Variants in RASSF8 observed in about 807,000 individuals in gnomAD.
RASSF8 encodes ras association domain-containing protein 8.
In RASSF8, 22 loss-of-function variants were observed where a neutral mutation model predicts 48.5. The observed-to-expected ratio is 0.45, with a 90% CI of 0.32 to 0.65. The LOEUF (loss-of-function observed/expected upper bound fraction) is 0.65, where lower values mean the gene tolerates loss of function less well. Among genes scored for constraint, RASSF8 ranks in the 30% least tolerant of loss-of-function variants. RASSF8 has a pLI of 0.03. For synonymous variants in RASSF8, 127 were observed against 171.5 expected, an observed-to-expected ratio of 0.74 and a Z score of 2.03; for missense variants, 418 against 489.2, an observed-to-expected ratio of 0.85 and a Z score of 1.37.
intron 2 of RASSF8, among the ~76,000 whole-genome samples, chr12:26,005,594 G>T (rs977059624): frequency 6.6e-6 from 1 of 152,070 alleles, no homozygotes; most frequent in Non-Finnish European, 1.5e-5. Flanking sequence ...ATTTTGCAAA[G>T]GCTATTTCTT....
At chr12:26,073,173 G>A (rs758780970), downstream of RASSF8, among the ~76,000 whole-genome samples, 66 of 152,118 alleles carry the variant, frequency 4.3e-4, no homozygotes, top group Non-Finnish European at 1.9e-4. Context: ...TCCCTACTAC[G>A]TGCCAAGTGC....
intron 1 of RASSF8, among the ~76,000 whole-genome samples, chr12:25,963,111 A>C (rs1941275279): frequency 6.6e-6 from 1 of 152,086 alleles, no homozygotes; most frequent in African/African-American, 2.4e-5. Context: ...ACATCAAAGG[A>C]AGATTGGGAA....
chr12:26,069,939 C>A lies in RASSF8; in HGVS notation c.*1121C>A. The stretch of plus-strand genomic sequence containing the variant: ...TTCAGCATATGTTTTTATTTTTAGG[C>A]TTGACTTTTACAAGACATTAATCTC... On this transcript the variant is annotated 3_prime_UTR_variant, in exon 6 of 6. Coordinates refer to ENST00000689635, the MANE Select transcript of RASSF8 (RefSeq NM_001394098.1). The A allele has an allele frequency of 2.0e-6, 2 of 979,808 alleles. No individual in the cohort carries two copies. The highest frequency in any genetic ancestry group is 2.4e-6 in the Non-Finnish European group (2 of 824,852). The allele number at this position is 979,808 out of a possible 1,614,324, so 60.7% of individuals were successfully genotyped here.
At chr12:26,019,362 C>T (rs1459790551) in intron 2 of RASSF8, among the ~76,000 whole-genome samples, 1 of 151,996 alleles carries the variant, frequency 6.6e-6, no homozygotes, top group East Asian at 1.9e-4. Flanking sequence ...GTATATATTT[C>T]CCAAATCGCC....
intron 2 of RASSF8, among the ~76,000 whole-genome samples, chr12:26,018,335 C>T (rs527589210): frequency 1.3e-5 from 2 of 151,860 alleles, no homozygotes; most frequent in African/African-American, 2.4e-5. Flanking sequence ...AGCTCTAGAA[C>T]CTTTTTTTAA....
rs947734305 is a variant in RASSF8 at position 26,072,483 on chromosome 12, A to G, written c.*3665A>G. 3.1e-6 allele frequency: 3 copies of G among 963,734 alleles called. No homozygotes were observed. In the Admixed American group the frequency reaches 1.8e-4, roughly 59 times the overall value. The allele number at this position is 963,734 out of a possible 1,614,324, so 59.7% of individuals were successfully genotyped here. A position where few individuals can be genotyped will look rare whatever the true frequency, so the allele number is the denominator to read the frequency against. On this transcript the variant is annotated 3_prime_UTR_variant, in exon 6 of 6. Coordinates refer to ENST00000689635, the MANE Select transcript of RASSF8 (RefSeq NM_001394098.1). ...CAGAAAACTATTTCGTATACTAATT[A>G]TATTAAACCAGCAGAAATATAAAGG...
At chr12:25,999,685 A>C (rs1033686737) in intron 2 of RASSF8, among the ~76,000 whole-genome samples, 3 of 152,224 alleles carry the variant, frequency 2.0e-5, no homozygotes, top group Non-Finnish European at 4.4e-5. Flanking sequence ...GTACTATTGA[A>C]AAGGAGACTA....
At chr12:25,965,634 G>T (rs1450544364) in intron 1 of RASSF8, among the ~76,000 whole-genome samples, 2 of 152,074 alleles carry the variant, frequency 1.3e-5, no homozygotes, top group Non-Finnish European at 2.9e-5. Flanking sequence ...GGGATTACAG[G>T]CGAGAGCCAC....
chr12:26,053,119 TTAA>T (rs935084661), intron 2 of RASSF8: 1 of 152,036 alleles, frequency 6.6e-6, no homozygotes, highest in African/African-American at 2.4e-5. Flanking sequence ...ATGCCTGTAG[TTAA>T]TAATACTGTA....
chr12:26,029,851 C>T (rs1942992458), intron 2 of RASSF8, among the ~76,000 whole-genome samples: 1 of 152,112 alleles, frequency 6.6e-6, no homozygotes, highest in Non-Finnish European at 1.5e-5. Flanking sequence ...TTTGAATCAG[C>T]CATCTAACCA....
At chr12:25,984,303 C>T (rs1941819865) in intron 1 of RASSF8, among the ~76,000 whole-genome samples, 1 of 149,844 alleles carries the variant, frequency 6.7e-6, no homozygotes, top group Non-Finnish European at 1.5e-5. Flanking sequence ...GACCTCAAAC[C>T]CCTGGGCTCA....
chr12:26,073,187 A>G (rs1342064908), downstream of RASSF8, among the ~76,000 whole-genome samples: 1 of 152,180 alleles, frequency 6.6e-6, no homozygotes, highest in African/African-American at 2.4e-5. Context: ...CAAGTGCAAT[A>G]TGGGGCACCG....
In RASSF8 at chr12:25,990,427, T is replaced by C. The variant is rs1226318297; in HGVS notation, c.-202-4610T>C. ...TTCATCATTGTAATCCCTGTGGTAT[T>C]TTAAATATGATAAGAGCTTGGTAAA... On this transcript the variant is annotated intron_variant, in intron 1 of 5. Coordinates refer to ENST00000689635, the MANE Select transcript of RASSF8 (RefSeq NM_001394098.1). Among the ~76,000 whole-genome samples, 3 of 152,366 alleles carry C rather than the reference T, an allele frequency of 2.0e-5. No individual in the cohort carries two copies. In the East Asian group the frequency reaches 5.8e-4, roughly 29 times the overall value.
chr12:26,042,651 T>G (rs1943290149), intron 2 of RASSF8, among the ~76,000 whole-genome samples: 1 of 152,222 alleles, frequency 6.6e-6, no homozygotes, highest in East Asian at 1.9e-4. Context: ...ATATTTTCTT[T>G]GCAATTTTCT....
intron 1 of RASSF8, among the ~76,000 whole-genome samples, chr12:25,970,460 G>C (rs1407627725): frequency 6.6e-6 from 1 of 151,952 alleles, no homozygotes; most frequent in Non-Finnish European, 1.5e-5. Flanking sequence ...TTACCTCCTG[G>C]ACAGCTGAGG....
chr12:26,052,469 A>G (rs963312928), intron 2 of RASSF8: 2 of 152,148 alleles, frequency 1.3e-5, no homozygotes, highest in Non-Finnish European at 2.9e-5. Context: ...CTATATTAAA[A>G]CCTTTGCAGT....
intron 2 of RASSF8, among the ~76,000 whole-genome samples, chr12:26,048,561 T>C (rs1943422094): frequency 1.3e-5 from 2 of 152,154 alleles, no homozygotes; most frequent in African/African-American, 2.4e-5. Flanking sequence ...TACAGGGCCA[T>C]TGGAAGCCCT....
At chr12:26,051,199 G>A (rs1943482368) in intron 2 of RASSF8, among the ~76,000 whole-genome samples, 1 of 152,106 alleles carries the variant, frequency 6.6e-6, no homozygotes, top group Non-Finnish European at 1.5e-5. Context: ...GATGAATTAT[G>A]TTGTGAGGAA....
At position 26,063,394 on chromosome 12, in the gene RASSF8, T is replaced by G. The variant is rs950960452; in HGVS notation, c.104-1104T>G. Among the ~76,000 whole-genome samples the G allele has an allele frequency of 7.9e-5, 12 of 151,912 alleles. No homozygotes were observed. The East Asian group carries it at 1.5e-3, about 20-fold the overall frequency. On this transcript the variant is annotated intron_variant, in intron 3 of 5. Transcript: ENST00000689635. ...TGTATATGTGATTGTATTCTGGTGT[T>G]TGTTTGTTTTGTTTTTTTTTTGAGA...
Sources: gnomAD v4.1 joint callset for allele counts (sites outside exome capture counted in the v4.1 genomes callset) on GRCh38, gnomAD v4.1.1 for gene constraint, MANE v1.5 for transcripts, NCBI Gene and HGNC (gene_info 2026-07-23, HGNC 2026-07-21) for gene names.